Variants in HOOK3 observed in about 807,000 individuals in gnomAD.
HOOK3 encodes protein Hook homolog 3.
Under a neutral mutation model 116.3 loss-of-function variants are expected in HOOK3, and 24 were observed. The ratio of observed to expected loss-of-function variants is 0.21; its 90% CI spans 0.15 to 0.29. The LOEUF is 0.29. HOOK3 is among the 10% of genes least tolerant of loss of function. The probability of loss-of-function intolerance (pLI) is 1.00; values close to 1 mark genes in which losing one functional copy is unlikely to be tolerated. For missense variants in HOOK3, 632 were observed against 830.2 expected (o/e 0.76, Z 2.93); for synonymous variants, 275 against 283.0 (o/e 0.97, Z 0.28).
rs2692078 is a variant in HOOK3 at position 42,975,625 on chromosome 8, C to T, written c.1321+1431C>T. 7.6e-3 allele frequency among the ~76,000 whole-genome samples: 1,150 copies of T among 152,282 alleles called. 17 individuals are homozygous for T. Among genetic ancestry groups the T allele is most frequent in the African/African-American group, 0.026 (1,082 of 41,548 alleles). ...AAGTGGACGTGACTTCTCCAGCTAT[C>T]GAATTAGATGACGCTGCCGTGCTAA... On this transcript the variant is annotated intron_variant, in intron 13 of 21. Coordinates refer to ENST00000307602, the MANE Select transcript of HOOK3 (RefSeq NM_032410.4).
At chr8:42,981,899 AAG>A (rs1242000793) in intron 13 of HOOK3, among the ~76,000 whole-genome samples, 2 of 149,988 alleles carry the variant, frequency 1.3e-5, no homozygotes, top group African/African-American at 4.9e-5. Flanking sequence ...AAAAAAAAAA[AAG>A]AATAAGGAAT....
chr8:42,933,046 C>A (rs1807901623), intron 4 of HOOK3, among the ~76,000 whole-genome samples: 2 of 152,124 alleles, frequency 1.3e-5, no homozygotes, highest in African/African-American at 4.8e-5. Flanking sequence ...CCTTTGACAC[C>A]ATAGTTCTAT....
In HOOK3 at chr8:43,028,679, T is replaced by C; in HGVS notation, c.*10181T>C. On this transcript the variant is annotated 3_prime_UTR_variant, in exon 22 of 22. Coordinates refer to ENST00000307602, the MANE Select transcript of HOOK3 (RefSeq NM_032410.4). The stretch of plus-strand genomic sequence containing the variant: ...CCAGTGACTTAGCTAATGAAAACAT[T>C]TAAAAATATGTATTAATTTACTTGG... 1 of 193,134 alleles carries C rather than the reference T, an allele frequency of 5.2e-6. No individual in the cohort carries two copies. The highest frequency in any genetic ancestry group is 1.1e-5 in the Non-Finnish European group (1 of 92,476). 12.0% of individuals were successfully genotyped at this position (193,134 alleles called of 1,614,324 possible).
intron 8 of HOOK3, among the ~76,000 whole-genome samples, chr8:42,960,798 A>G (rs1808520740): frequency 6.6e-6 from 1 of 152,184 alleles, no homozygotes; most frequent in Non-Finnish European, 1.5e-5. Context: ...TCCATGGTTG[A>G]GTAATCCCAA....
intron 17 of HOOK3, among the ~76,000 whole-genome samples, chr8:43,003,529 A>T (rs1325809353): frequency 6.6e-6 from 1 of 152,234 alleles, no homozygotes; most frequent in African/African-American, 2.4e-5. Flanking sequence ...GTGCGCAGTC[A>T]TTTACATGGT....
At chr8:42,988,725 G>A (rs1436926268) in intron 15 of HOOK3, among the ~76,000 whole-genome samples, 1 of 151,942 alleles carries the variant, frequency 6.6e-6, no homozygotes, top group African/African-American at 2.4e-5. Flanking sequence ...AAGTTTTACA[G>A]ATGAGGGAAC....
At chr8:42,903,338 CT>C (rs1164136399) in intron 1 of HOOK3, among the ~76,000 whole-genome samples, 10,867 of 87,696 alleles carry the variant, frequency 0.12, 142 homozygotes, top group African/African-American at 0.17. Context: ...TAATAGTTGT[CT>C]TTTTTTTTTT....
intron 2 of HOOK3, among the ~76,000 whole-genome samples, chr8:42,924,617 G>A (rs1807727215): frequency 6.6e-6 from 1 of 152,076 alleles, no homozygotes; most frequent in South Asian, 2.1e-4. Context: ...AGGTGGTGGA[G>A]TTCATTGAAA....
At chr8:43,001,211 A>G (rs1368520665) in intron 16 of HOOK3, 1 of 152,142 alleles carries the variant, frequency 6.6e-6, no homozygotes, top group African/African-American at 2.4e-5. Context: ...AACTATAGTT[A>G]ACATATTGAG....
Position 43,018,674 on chromosome 8 carries a change from G to A in HOOK3, c.*176G>A. 1 of 614,618 alleles carries A rather than the reference G, an allele frequency of 1.6e-6. No homozygotes were observed. Among genetic ancestry groups the A allele is most frequent in the Admixed American group, 3.9e-5 (1 of 25,828 alleles). 38.1% of individuals were successfully genotyped at this position (614,618 alleles called of 1,614,324 possible). A position where few individuals can be genotyped will look rare whatever the true frequency, so the allele number is the denominator to read the frequency against. On this transcript the variant is annotated 3_prime_UTR_variant, in exon 22 of 22. Transcript: ENST00000307602. ...CTGTATCTTTGTTTTAGTTTCTTTG[G>A]TTTTTATTTTGTAGTCCTTTCAGTT... is the stretch of plus-strand genomic sequence containing the variant.
chr8:42,924,937 C>G (rs1191825129), intron 2 of HOOK3, among the ~76,000 whole-genome samples: 1 of 151,800 alleles, frequency 6.6e-6, no homozygotes, highest in Non-Finnish European at 1.5e-5. Flanking sequence ...CACACCATTG[C>G]ACTCCAGCCT....
Position 43,022,828 on chromosome 8 carries a change from C to A in HOOK3, c.*4330C>A, listed in dbSNP as rs1809853945. 1 of 174,986 alleles carries A rather than the reference C, an allele frequency of 5.7e-6. No individual in the cohort carries two copies. Among genetic ancestry groups the A allele is most frequent in the Non-Finnish European group, 1.2e-5 (1 of 81,040 alleles). The allele number at this position is 174,986 out of a possible 1,614,324, so 10.8% of individuals were successfully genotyped here. On this transcript the variant is annotated 3_prime_UTR_variant, in exon 22 of 22. Coordinates refer to ENST00000307602, the MANE Select transcript of HOOK3 (RefSeq NM_032410.4). ...TTAGACTATAATAAGGATGAAATTG[C>A]TGTCTGTAATTTTGTTGAGGTTTTA...
At chr8:43,005,231 T>G (rs1809461574) in intron 17 of HOOK3, among the ~76,000 whole-genome samples, 1 of 141,154 alleles carries the variant, frequency 7.1e-6, no homozygotes, top group African/African-American at 2.6e-5. Flanking sequence ...TTTTTTTTTT[T>G]TTTTTTTGAG....
At chr8:42,920,657 G>A (rs898094045) in intron 2 of HOOK3, among the ~76,000 whole-genome samples, 7 of 152,156 alleles carry the variant, frequency 4.6e-5, no homozygotes. Context: ...ATTAGCCACA[G>A]GGCCTTAGTG....
intron 21 of HOOK3, among the ~76,000 whole-genome samples, chr8:43,017,260 T>C (rs902837021): frequency 3.3e-5 from 5 of 152,200 alleles, no homozygotes; most frequent in South Asian, 2.1e-4. Flanking sequence ...AGTTCTTTCA[T>C]TTTTGTTGTT....
chr8:42,986,015 A>G (rs1809043674), intron 14 of HOOK3, among the ~76,000 whole-genome samples: 1 of 152,204 alleles, frequency 6.6e-6, no homozygotes, highest in Admixed American at 6.5e-5. Flanking sequence ...TGTAAAGAAA[A>G]GAATGAATTA....
At chr8:42,927,049 G>A (rs1290271558) in intron 3 of HOOK3, among the ~76,000 whole-genome samples, 1 of 152,158 alleles carries the variant, frequency 6.6e-6, no homozygotes, top group African/African-American at 2.4e-5. Flanking sequence ...GACTGGCAAA[G>A]ACTCAGACAT....
chr8:43,008,490 A>G (rs1269443397), intron 18 of HOOK3, among the ~76,000 whole-genome samples: 1 of 150,120 alleles, frequency 6.7e-6, no homozygotes, highest in Non-Finnish European at 1.5e-5. Context: ...GCTAATTTTT[A>G]TAATTTTTTG....
chr8:42,903,765 C>A (rs1323840878), intron 1 of HOOK3, among the ~76,000 whole-genome samples: 1 of 151,440 alleles, frequency 6.6e-6, no homozygotes, highest in Non-Finnish European at 1.5e-5. Flanking sequence ...GACATCCTGG[C>A]CAACACGGTG....
Sources: gnomAD v4.1 joint callset for allele counts (sites outside exome capture counted in the v4.1 genomes callset) on GRCh38, gnomAD v4.1.1 for gene constraint, MANE v1.5 for transcripts, NCBI Gene and HGNC (gene_info 2026-07-23, HGNC 2026-07-21) for gene names.